RIC1: variants seen among roughly 807,000 people sequenced by gnomAD.
RIC1 encodes the protein RIC1 partner of RAB6A GEF complex.
RIC1 carries 88 observed loss-of-function variants against 169.0 expected under a neutral mutation model. The ratio of observed to expected loss-of-function variants is 0.52; its 90% confidence interval spans 0.44 to 0.62. RIC1 has a LOEUF of 0.62. RIC1 is among the 20% of genes least tolerant of loss of function. The pLI is 0.00. For synonymous variants in RIC1, 790 were observed against 601.5 expected, an observed-to-expected ratio of 1.31 and a Z score of -4.59; for missense variants, 1,877 against 1,725.5, an observed-to-expected ratio of 1.09 and a Z score of -1.56.
At chr9:5,689,925 C>G (rs750978672) in intron 2 of RIC1, 34 bp from the exon 3 acceptor site, 10 of 1,410,036 alleles carry the variant, frequency 7.1e-6, no homozygotes, top group African/African-American at 4.3e-5. Flanking sequence ...TAGCCTTACT[C>G]TTTAATTCAT....
rs546304274 is a variant in RIC1, at chr9:5,645,681, C to T, written c.145-10902C>T. 2.0e-5 allele frequency among the ~76,000 whole-genome samples: 3 copies of T among 152,316 alleles called. No homozygotes were observed. In the South Asian group the frequency reaches 6.2e-4, roughly 32 times the overall value. On this transcript the variant is annotated intron_variant, in intron 1 of 25. Transcript: ENST00000414202. ...GTCTTTTTGTGATTGACTTATTGCA[C>T]TCAGCATGTCTTAAGTTTTATCCAT... is the stretch of plus-strand genomic sequence containing the variant.
At chr9:5,715,844 G>A (rs568455221) in intron 4 of RIC1, among the ~76,000 whole-genome samples, 8 of 94,254 alleles carry the variant, frequency 8.5e-5, no homozygotes, top group South Asian at 4.0e-4. Context: ...CCACTCCTCC[G>A]ACAGGGTCTC....
intron 7 of RIC1, among the ~76,000 whole-genome samples, chr9:5,737,422 C>T (rs1438298178): frequency 6.6e-6 from 1 of 152,128 alleles, no homozygotes; most frequent in East Asian, 1.9e-4. Flanking sequence ...ATGAAGCCTC[C>T]TGTTTACCCC....
At chr9:5,749,353 AG>A (rs1459970051) in intron 12 of RIC1, among the ~76,000 whole-genome samples, 1 of 152,186 alleles carries the variant, frequency 6.6e-6, no homozygotes, top group Non-Finnish European at 1.5e-5. Flanking sequence ...GGCGGTGTAT[AG>A]GGCAGTATAC....
chr9:5,662,426 C>G (rs545695204), intron 2 of RIC1, among the ~76,000 whole-genome samples: 2 of 149,972 alleles, frequency 1.3e-5, no homozygotes, highest in African/African-American at 4.9e-5. Flanking sequence ...TTCTTTGTAC[C>G]TCTGGTAGAA....
At chr9:5,745,773 G>A (rs975937318) in intron 10 of RIC1, among the ~76,000 whole-genome samples, 158 bp from the exon 11 acceptor site, 10 of 152,160 alleles carry the variant, frequency 6.6e-5, no homozygotes, top group African/African-American at 2.4e-5. Flanking sequence ...GTAACTGAAG[G>A]TGTGATTCTT....
chr9:5,740,528 A>G (rs1825016464), intron 8 of RIC1, among the ~76,000 whole-genome samples: 1 of 151,852 alleles, frequency 6.6e-6, no homozygotes, highest in Non-Finnish European at 1.5e-5. Context: ...ACAAGGTCCC[A>G]CAATAGGCCA....
chr9:5,681,160 C>T (rs1586936031), intron 2 of RIC1, among the ~76,000 whole-genome samples: 1 of 152,200 alleles, frequency 6.6e-6, no homozygotes, highest in East Asian at 1.9e-4. Context: ...TCTCTATTTC[C>T]TTCAGTTCTG....
chr9:5,629,472 CGCCTTTCGCCGCTGCCTCCCCG>C lies in RIC1; in HGVS notation c.144+24_144+45del. The C allele has an allele frequency of 6.6e-7, 1 of 1,523,870 alleles. No homozygotes were observed. The highest frequency in any genetic ancestry group is 8.8e-7 in the Non-Finnish European group (1 of 1,141,140). 94.4% of individuals were successfully genotyped at this position (1,523,870 alleles called of 1,614,324 possible). ...CAGCCGAGTAAGTAGAGCCGCCCGC[CGCCTTTCGCCGCTGCCTCCCCG>C]GCCTCCCGGCGCCGTCCCACCCCCA... On this transcript the variant is annotated intron_variant, in intron 1 of 25. Transcript: ENST00000414202.
intron 2 of RIC1, among the ~76,000 whole-genome samples, chr9:5,667,309 A>C (rs1162305452): frequency 6.6e-6 from 1 of 152,150 alleles, no homozygotes; most frequent in African/African-American, 2.4e-5. Context: ...GCAATAGAGC[A>C]AGACTCCGTA....
chr9:5,767,684 T>A (rs1469179270), intron 21 of RIC1, among the ~76,000 whole-genome samples: 1 of 152,090 alleles, frequency 6.6e-6, no homozygotes, highest in Non-Finnish European at 1.5e-5. Context: ...GCCTCCCAGG[T>A]TCAAGTGATT....
chr9:5,756,100 T>C, intron 15 of RIC1, 112 bp from the exon 16 acceptor site: 1 of 559,566 alleles, frequency 1.8e-6, no homozygotes, highest in Non-Finnish European at 2.8e-6. Flanking sequence ...TTAACTCCTG[T>C]TACTAAAAAA....
chr9:5,750,004 C>G (rs1354870843), intron 12 of RIC1, among the ~76,000 whole-genome samples: 1 of 151,890 alleles, frequency 6.6e-6, no homozygotes, highest in East Asian at 1.9e-4. Context: ...GTCTCAAACT[C>G]CTGACCTTGT....
chr9:5,692,332 A>G lies in RIC1; in HGVS notation c.332+2294A>G, dbSNP rs188710694. Among the ~76,000 whole-genome samples the G allele has an allele frequency of 1.2e-4, 19 of 152,218 alleles. No homozygotes were observed. In the East Asian group the frequency reaches 3.3e-3, roughly 26 times the overall value. The stretch of plus-strand genomic sequence containing the variant: ...GTAGGATAACAGTAGTAATCATCTC[A>G]TAAGATTAAATGAGATCATTCATAT... On this transcript the variant is annotated intron_variant, in intron 3 of 25. Coordinates refer to ENST00000414202, the MANE Select transcript of RIC1 (RefSeq NM_020829.4).
chr9:5,687,089 G>C (rs757057226), intron 2 of RIC1, among the ~76,000 whole-genome samples: 33 of 152,058 alleles, frequency 2.2e-4, no homozygotes, highest in Non-Finnish European at 8.8e-5. Flanking sequence ...GTTTATCAAG[G>C]AATTTGTCCA....
Position 5,745,956 on chromosome 9 carries a change from T to G in RIC1, c.1121T>G (p.Leu374Arg). ...AGCTGGGGTGCAGAAGGCTATCACC[T>G]ATGGGTAATCAGCGGATTTGGTTCT... is the stretch of plus-strand genomic sequence containing the variant. ...SMSWGAEGYH[L>R]WVISGFGSQN... is the part of the protein sequence containing the mutation. Residue 374 changes from leucine to arginine, a missense_variant, in exon 11 of 26, where the codon CTA becomes CGA. Around this residue, in one of 3 missense-constraint regions of RIC1, gnomAD observed 1,104 missense variants for 992.0 expected, o/e 1.11. Transcript: ENST00000414202. 6.2e-7 allele frequency: 1 copy of G among 1,613,638 alleles called. No individual in the cohort carries two copies. The highest frequency in any genetic ancestry group is 8.5e-7 in the Non-Finnish European group (1 of 1,179,632).
chr9:5,637,824 A>G (rs1429811257), intron 1 of RIC1, among the ~76,000 whole-genome samples: 2 of 152,146 alleles, frequency 1.3e-5, no homozygotes, highest in Non-Finnish European at 2.9e-5. Context: ...GTACTCCATT[A>G]TGTGCAAGTA....
intron 2 of RIC1, among the ~76,000 whole-genome samples, chr9:5,675,991 A>G (rs1049301473): frequency 6.6e-6 from 1 of 152,184 alleles, no homozygotes; most frequent in African/African-American, 2.4e-5. Flanking sequence ...TAACCTCCCA[A>G]CTGCCCTTGG....
chr9:5,679,413 C>G (rs1327577889), intron 2 of RIC1, among the ~76,000 whole-genome samples: 1 of 152,200 alleles, frequency 6.6e-6, no homozygotes, highest in Non-Finnish European at 1.5e-5. Flanking sequence ...GGCATTGAAT[C>G]TATAAATTAC....
Sources: allele counts gnomAD v4.1 joint callset (sites outside exome capture counted in the v4.1 genomes callset), GRCh38; gene constraint gnomAD v4.1.1; regional missense constraint gnomAD v4.1.1; transcripts MANE v1.5; gene names NCBI Gene and HGNC (gene_info 2026-07-23, HGNC 2026-07-21).